DTNA: variants seen among roughly 807,000 people sequenced by gnomAD.
DTNA encodes the protein dystrophin-related protein 3.
In DTNA, 43 loss-of-function variants were observed where a neutral mutation model predicts 100.7. That is an observed-to-expected ratio of 0.43 (90% confidence interval 0.33 to 0.55). DTNA has a LOEUF of 0.55. Ranked by LOEUF, DTNA falls within the 20% of genes least tolerant of loss-of-function variation. The pLI, the probability that DTNA is intolerant of heterozygous loss-of-function variation, is 0.04. For synonymous variants in DTNA, 349 were observed against 347.9 expected (o/e 1.00, Z -0.04); for missense variants, 798 against 953.9 (o/e 0.84, Z 2.15).
chr18:34,681,146 A>T (rs149564527), intron 1 of DTNA, among the ~76,000 whole-genome samples: 1 of 152,152 alleles, frequency 6.6e-6, no homozygotes, highest in South Asian at 2.1e-4. Context: ...ATTTCCTTGT[A>T]TTAAAGTTCA....
At chr18:34,857,209 A>G (rs1020627545) in intron 15 of DTNA, among the ~76,000 whole-genome samples, 3 of 152,236 alleles carry the variant, frequency 2.0e-5, no homozygotes, top group African/African-American at 7.2e-5. Context: ...AAACCACTGA[A>G]TTACAGTTCC....
At chr18:34,881,393 AT>A (rs1274542709) in intron 20 of DTNA, among the ~76,000 whole-genome samples, 5 of 123,718 alleles carry the variant, frequency 4.0e-5, no homozygotes, top group African/African-American at 1.6e-4. Context: ...GAATGAGGTC[AT>A]TTTTATCTAT....
intron 1 of DTNA, among the ~76,000 whole-genome samples, chr18:34,502,614 C>T (rs1261179628): frequency 6.6e-6 from 1 of 151,800 alleles, no homozygotes; most frequent in African/African-American, 2.4e-5. Context: ...CCTCTTTGAC[C>T]CATTGGATAT....
At chr18:34,729,429 A>C (rs1158149105) in intron 1 of DTNA, among the ~76,000 whole-genome samples, 1 of 152,218 alleles carries the variant, frequency 6.6e-6, no homozygotes, top group African/African-American at 2.4e-5. Context: ...GAAATGGCAC[A>C]GGGGCAACTA....
At chr18:34,514,355 T>TTA (rs2041386036) in intron 1 of DTNA, among the ~76,000 whole-genome samples, 1 of 152,104 alleles carries the variant, frequency 6.6e-6, no homozygotes, top group African/African-American at 2.4e-5. Context: ...GAATTTCTGA[T>TTA]TAATCAGTCT....
intron 3 of DTNA, among the ~76,000 whole-genome samples, chr18:34,785,448 CCTCT>C (rs751346413): frequency 1.3e-5 from 2 of 152,174 alleles, no homozygotes; most frequent in African/African-American, 2.4e-5. Context: ...AATTTTAATG[CCTCT>C]CTGTTTGCTC....
rs956961482 is a variant in DTNA at position 34,891,402 on chromosome 18, A to G, written c.*3668A>G. On this transcript the variant is annotated 3_prime_UTR_variant, in exon 23 of 23. Transcript: ENST00000444659. ...ATTAAAAAATGTTTTTAAAAACACTATATCTTGGGTGGTTTATTCCTTTGT... is the reference window on the plus strand; with the variant it reads ...ATTAAAAAATGTTTTTAAAAACACTGTATCTTGGGTGGTTTATTCCTTTGT... 6.6e-6 allele frequency: 1 copy of G among 152,562 alleles called. No individual in the cohort carries two copies. Among genetic ancestry groups the G allele is most frequent in the African/African-American group, 2.4e-5 (1 of 41,414 alleles). 9.5% of individuals were successfully genotyped at this position (152,562 alleles called of 1,614,324 possible).
intron 1 of DTNA, among the ~76,000 whole-genome samples, chr18:34,627,026 T>C (rs191520107): frequency 1.3e-5 from 2 of 152,268 alleles, no homozygotes; most frequent in East Asian, 1.9e-4. Context: ...TGCATGTTTT[T>C]ATAGCTAGAA....
In DTNA at chr18:34,815,942, C is replaced by A. The variant is rs2095587299; in HGVS notation, c.637C>A (p.Leu213Ile). ...KVTLNGFLDT[L>I]MSDPPPQCLV... ...CACGTTAAATGGTTTCTTGGACACG[C>A]TTATGTCAGATCCTCCCCCGCAGTG... is the stretch of plus-strand genomic sequence containing the variant. The change falls in exon 7 of 23, where the codon CTT (leucine) becomes ATT (isoleucine). Residue 213 changes from leucine (L) to isoleucine (I), a missense_variant. Coordinates refer to ENST00000444659, the MANE Select transcript of DTNA (RefSeq NM_001386795.1). 6.2e-7 allele frequency: 1 copy of A among 1,613,646 alleles called. No individual in the cohort carries two copies. The highest frequency in any genetic ancestry group is 1.1e-5 in the South Asian group (1 of 91,076).
Position 34,793,772 on chromosome 18 carries a change from A to C in DTNA, c.149-265A>C, listed in dbSNP as rs1383290. ...CAGTTATCTTATGTGTAACACAGGG[A>C]TAATAGCTGTATTTCAAGAGTGATT... On this transcript the variant is annotated intron_variant, in intron 3 of 22. Transcript: ENST00000444659. 0.47 allele frequency among the ~76,000 whole-genome samples: 71,709 copies of C among 151,998 alleles called. 19,838 individuals carry two copies. Among genetic ancestry groups the C allele is most frequent in the East Asian group, 0.87 (4,466 of 5,146 alleles).
chr18:34,509,983 A>T (rs2144859633), intron 1 of DTNA, among the ~76,000 whole-genome samples: 1 of 152,152 alleles, frequency 6.6e-6, no homozygotes, highest in African/African-American at 2.4e-5. Flanking sequence ...GAGTGGTTAT[A>T]AAAGCAAAAT....
intron 14 of DTNA, among the ~76,000 whole-genome samples, chr18:34,851,359 C>G: frequency 6.6e-6 from 1 of 152,194 alleles, no homozygotes; most frequent in East Asian, 1.9e-4. Context: ...GCCTCAGCCT[C>G]CCAAAGTGCT....
chr18:34,548,626 T>C (rs767286419), intron 1 of DTNA, among the ~76,000 whole-genome samples: 6 of 152,022 alleles, frequency 3.9e-5, no homozygotes, highest in Admixed American at 2.0e-4. Context: ...CACACCCTCC[T>C]TCCCTGACAC....
At chr18:34,810,666 A>G (rs575781806) in intron 5 of DTNA, among the ~76,000 whole-genome samples, 5 of 152,168 alleles carry the variant, frequency 3.3e-5, no homozygotes, top group Admixed American at 6.5e-5. Context: ...ATTTTATTGT[A>G]TATTTTCAAA....
intron 1 of DTNA, among the ~76,000 whole-genome samples, chr18:34,685,481 C>A (rs927933398): frequency 6.6e-6 from 1 of 152,162 alleles, no homozygotes; most frequent in Non-Finnish European, 1.5e-5. Context: ...GGGCTCTGTT[C>A]TGTTCCATTG....
At chr18:34,628,456 AG>A (rs2057637662) in intron 1 of DTNA, among the ~76,000 whole-genome samples, 1 of 152,220 alleles carries the variant, frequency 6.6e-6, no homozygotes, top group African/African-American at 2.4e-5. Context: ...ATCAGGTTAG[AG>A]ATCCATTTGT....
chr18:34,507,179 T>C (rs1444287131), intron 1 of DTNA, among the ~76,000 whole-genome samples: 1 of 152,152 alleles, frequency 6.6e-6, no homozygotes, highest in Non-Finnish European at 1.5e-5. Context: ...CTGTAGGCTG[T>C]GGCATAGTTG....
At chr18:34,620,681 G>A (rs1237965331) in intron 1 of DTNA, among the ~76,000 whole-genome samples, 1 of 152,132 alleles carries the variant, frequency 6.6e-6, no homozygotes, top group Non-Finnish European at 1.5e-5. Flanking sequence ...GAAGGAAGAA[G>A]AGAGAGAGCA....
At chr18:34,739,891 A>G (rs917719749) in intron 1 of DTNA, among the ~76,000 whole-genome samples, 1 of 151,946 alleles carries the variant, frequency 6.6e-6, no homozygotes, top group South Asian at 2.1e-4. Context: ...TCTTGGTGTG[A>G]CTCCATTATT....
Sources: gnomAD v4.1 joint callset for allele counts (sites outside exome capture counted in the v4.1 genomes callset) on GRCh38, gnomAD v4.1.1 for gene constraint, MANE v1.5 for transcripts, NCBI Gene and HGNC (gene_info 2026-07-23, HGNC 2026-07-21) for gene names.